Variants in CSTA observed in about 807,000 individuals in gnomAD.
CSTA encodes cystatin A.
In CSTA, 9 loss-of-function variants were observed where a neutral mutation model predicts 9.2. The ratio of observed to expected loss-of-function variants is 0.97; its 90% confidence interval spans 0.59 to 1.70. CSTA has a LOEUF of 1.70. CSTA is among the 40% of genes most tolerant of loss of function. CSTA has a pLI of 0.00. For synonymous variants in CSTA, 36 were observed against 40.6 expected, an observed-to-expected ratio of 0.89 and a Z score of 0.43; for missense variants, 118 against 113.1, an observed-to-expected ratio of 1.04 and a Z score of -0.20.
In CSTA at chr3:122,335,638, T is replaced by G. The variant is rs180846490; in HGVS notation, c.67-1909T>G. On this transcript the variant is annotated intron_variant, in intron 1 of 2. Transcript: ENST00000264474. ...ATTATTTATTTATTTATTTATTTAT[T>G]TATGTATTTTGAGGCAGAGTTTCAC... Among the ~76,000 whole-genome samples the G allele has an allele frequency of 4.2e-3, 605 of 145,616 alleles. 6 individuals carry two copies. Among genetic ancestry groups the G allele is most frequent in the African/African-American group, 0.013 (541 of 40,686 alleles).
chr3:122,332,005 C>A (rs2075207313), intron 1 of CSTA, among the ~76,000 whole-genome samples: 1 of 152,172 alleles, frequency 6.6e-6, no homozygotes, highest in South Asian at 2.1e-4. Flanking sequence ...CAATAGGGTT[C>A]CCACTCCTAT....
At chr3:122,332,947 CT>C (rs2075212818) in intron 1 of CSTA, among the ~76,000 whole-genome samples, 1 of 152,172 alleles carries the variant, frequency 6.6e-6, no homozygotes, top group Non-Finnish European at 1.5e-5. Context: ...GCCCCTTTCC[CT>C]GCTCCTCAGC....
intron 1 of CSTA, among the ~76,000 whole-genome samples, chr3:122,328,801 C>A (rs2075185099): frequency 6.6e-6 from 1 of 150,826 alleles, no homozygotes; most frequent in Non-Finnish European, 1.5e-5. Flanking sequence ...ATTAGCTGGG[C>A]GTGGTGACGG....
chr3:122,325,707 C>T (rs1339633872), intron 1 of CSTA, among the ~76,000 whole-genome samples: 2 of 152,132 alleles, frequency 1.3e-5, no homozygotes, highest in Non-Finnish European at 2.9e-5. Flanking sequence ...GTGAAGCCAA[C>T]GTGTAATTGA....
At position 122,341,595 on chromosome 3, in the gene CSTA, C is replaced by T; in HGVS notation, c.*28C>T. 6.2e-7 allele frequency: 1 copy of T among 1,613,792 alleles called. No homozygotes were observed. Among genetic ancestry groups the T allele is most frequent in the Non-Finnish European group, 8.5e-7 (1 of 1,179,770 alleles). On this transcript the variant is annotated 3_prime_UTR_variant, in exon 3 of 3. Coordinates refer to ENST00000264474, the MANE Select transcript of CSTA (RefSeq NM_005213.4). ...GCATGTACCCAAAGTGTTCTGATTCCTTCAACTGGCTACTGAGTCATGATC... is the reference window on the plus strand; with the variant it reads ...GCATGTACCCAAAGTGTTCTGATTCTTTCAACTGGCTACTGAGTCATGATC...
Position 122,340,239 on chromosome 3 carries a change from G to A in CSTA, c.169-1200G>A, listed in dbSNP as rs533864331. ...ATAATTTTCCAGGTCTCAGATTCAT[G>A]TCCAAACTACTGCTTCTGCTTCAAC... is the stretch of plus-strand genomic sequence containing the variant. On this transcript the variant is annotated intron_variant, in intron 2 of 2. Transcript: ENST00000264474. 2.0e-5 allele frequency among the ~76,000 whole-genome samples: 3 copies of A among 152,142 alleles called. No individual in the cohort carries two copies. In the South Asian group the frequency reaches 6.2e-4, roughly 32 times the overall value.
chr3:122,337,583 TACGGA>T lies in CSTA; in HGVS notation c.105_109del (p.Tyr35Ter). On this transcript the variant is annotated frameshift_variant, in exon 2 of 3. Coordinates refer to ENST00000264474, the MANE Select transcript of CSTA (RefSeq NM_005213.4). LOFTEE classifies it high-confidence loss of function. The stretch of plus-strand genomic sequence containing the variant: ...GCTTGAAGAAAAAACAAATGAGACT[TACGGA>T]AAATTGGAAGCTGTGCAGTATAAAA... 1 of 1,613,270 alleles carries T rather than the reference TACGGA, an allele frequency of 6.2e-7. No homozygotes were observed. The highest frequency in any genetic ancestry group is 8.5e-7 in the Non-Finnish European group (1 of 1,179,300).
chr3:122,334,668 A>G (rs781447142), intron 1 of CSTA, among the ~76,000 whole-genome samples: 17 of 152,192 alleles, frequency 1.1e-4, no homozygotes, highest in Non-Finnish European at 7.4e-5. Flanking sequence ...TTCCTCCAAA[A>G]GACAGAAAAG....
chr3:122,336,671 A>G (rs762578938), intron 1 of CSTA, among the ~76,000 whole-genome samples: 1 of 152,214 alleles, frequency 6.6e-6, no homozygotes, highest in African/African-American at 2.4e-5. Flanking sequence ...GACTCCTCAC[A>G]AGACACTTAC....
chr3:122,335,094 G>A (rs12632654), intron 1 of CSTA, among the ~76,000 whole-genome samples: 14,374 of 152,216 alleles, frequency 0.094, 1,322 homozygotes, highest in East Asian at 0.43. Context: ...CTGAGAGTGG[G>A]AATGAAGCAC....
chr3:122,337,099 C>T (rs1197812270), intron 1 of CSTA, among the ~76,000 whole-genome samples: 6 of 152,124 alleles, frequency 3.9e-5, no homozygotes, highest in Admixed American at 3.9e-4. Context: ...ATGTTAATTT[C>T]CTCATTTTGG....
At chr3:122,329,552 C>T (rs1322475638) in intron 1 of CSTA, among the ~76,000 whole-genome samples, 2 of 151,954 alleles carry the variant, frequency 1.3e-5, no homozygotes, top group Non-Finnish European at 2.9e-5. Context: ...GCCAACAAAG[C>T]GAGACTCTGT....
chr3:122,333,128 C>G (rs2075213549), intron 1 of CSTA, among the ~76,000 whole-genome samples: 1 of 152,124 alleles, frequency 6.6e-6, no homozygotes, highest in Non-Finnish European at 1.5e-5. Context: ...CTTTTAAATC[C>G]CCTCTCTCAT....
Position 122,341,883 on chromosome 3 carries a change from C to A in CSTA, c.*316C>A. The A allele has an allele frequency of 2.8e-6, 1 of 354,940 alleles. No individual in the cohort carries two copies. The highest frequency in any genetic ancestry group is 5.3e-6 in the Non-Finnish European group (1 of 187,140). The allele number at this position is 354,940 out of a possible 1,614,324, so 22.0% of individuals were successfully genotyped here. On this transcript the variant is annotated 3_prime_UTR_variant, in exon 3 of 3. Coordinates refer to ENST00000264474, the MANE Select transcript of CSTA (RefSeq NM_005213.4). The stretch of plus-strand genomic sequence containing the variant: ...GGCTGGATCGTGGACTATCAATTCA[C>A]CAGCCTCCTTGTTCCCTGTGGCTGC...
chr3:122,341,206 G>A (rs533258518), intron 2 of CSTA, among the ~76,000 whole-genome samples: 1 of 152,310 alleles, frequency 6.6e-6, no homozygotes, highest in Non-Finnish European at 1.5e-5. Flanking sequence ...CTCCCAAAGT[G>A]CTAGGATTAC....
At chr3:122,328,155 G>A (rs2075181284) in intron 1 of CSTA, among the ~76,000 whole-genome samples, 1 of 152,182 alleles carries the variant, frequency 6.6e-6, no homozygotes, top group African/African-American at 2.4e-5. Flanking sequence ...AGGCAGGGAA[G>A]ATATTGTGTC....
intron 1 of CSTA, among the ~76,000 whole-genome samples, chr3:122,332,399 A>G (rs1269830782): frequency 6.6e-6 from 1 of 152,118 alleles, no homozygotes; most frequent in East Asian, 1.9e-4. Context: ...CTGTCCTTTC[A>G]TGTTACTATT....
chr3:122,329,262 A>G (rs1390597954), intron 1 of CSTA, among the ~76,000 whole-genome samples: 5 of 149,372 alleles, frequency 3.3e-5, no homozygotes, highest in South Asian at 2.4e-4. Context: ...CACCGCGCCC[A>G]GCCAAAATAA....
rs142047389 is a variant in CSTA at position 122,331,425 on chromosome 3, G to A, written c.66+6067G>A. ...GGCACCTACCTTCCCAACTTCATGAGAACATGCCCAGGCCCACTGAGTCTC... is the reference window on the plus strand; with the variant it reads ...GGCACCTACCTTCCCAACTTCATGAAAACATGCCCAGGCCCACTGAGTCTC... On this transcript the variant is annotated intron_variant, in intron 1 of 2. Coordinates refer to ENST00000264474, the MANE Select transcript of CSTA (RefSeq NM_005213.4). Among the ~76,000 whole-genome samples the A allele has an allele frequency of 2.2e-3, 338 of 152,146 alleles. 2 individuals are homozygous for A. Among genetic ancestry groups the A allele is most frequent in the African/African-American group, 7.8e-3 (325 of 41,508 alleles).
Sources: gnomAD v4.1 joint callset for allele counts (sites outside exome capture counted in the v4.1 genomes callset) on GRCh38, gnomAD v4.1.1 for gene constraint, MANE v1.5 for transcripts, NCBI Gene and HGNC (gene_info 2026-07-23, HGNC 2026-07-21) for gene names.